The following PIEZO2 variants were observed in gnomAD, a reference collection of about 807,000 sequenced individuals.
PIEZO2 encodes piezo type mechanosensitive ion channel component 2, also known as piezo-type mechanosensitive ion channel component 2.
A neutral mutation model predicts 337.3 loss-of-function variants in PIEZO2; 172 were observed. That is an observed-to-expected ratio of 0.51 (90% CI 0.45 to 0.58). PIEZO2 has a LOEUF of 0.58. PIEZO2 is among the 20% of genes least tolerant of loss of function. PIEZO2 has a pLI of 0.00. For missense variants in PIEZO2, 3,028 were observed against 3,391.3 expected (o/e 0.89, Z 2.66); for synonymous variants, 1,251 against 1,228.5 (o/e 1.02, Z -0.38).
chr18:10,928,084 A>G (rs1246418113), intron 3 of PIEZO2, among the ~76,000 whole-genome samples: 2 of 152,200 alleles, frequency 1.3e-5, no homozygotes, highest in African/African-American at 2.4e-5. Context: ...TGCAGCTGTG[A>G]TCTCACAAGA....
intron 3 of PIEZO2, among the ~76,000 whole-genome samples, chr18:10,950,715 C>G (rs564549349): frequency 1.3e-5 from 2 of 152,260 alleles, no homozygotes; most frequent in African/African-American, 2.4e-5. Flanking sequence ...TTTCCCTTCC[C>G]CTTCCTCCTC....
intron 3 of PIEZO2, among the ~76,000 whole-genome samples, chr18:10,978,050 T>C (rs978910801): frequency 2.0e-5 from 3 of 152,060 alleles, no homozygotes; most frequent in Non-Finnish European, 4.4e-5. Context: ...TGGCCAGGTG[T>C]GGTGGCTCAC....
intron 1 of PIEZO2, among the ~76,000 whole-genome samples, chr18:11,139,324 T>C (rs2040576196): frequency 6.6e-6 from 1 of 152,148 alleles, no homozygotes; most frequent in South Asian, 2.1e-4. Flanking sequence ...ACATTTCACC[T>C]TGAACATCAG....
intron 7 of PIEZO2, among the ~76,000 whole-genome samples, chr18:10,811,996 GCTAA>G (rs1365063415): frequency 6.6e-6 from 1 of 152,168 alleles, no homozygotes; most frequent in Non-Finnish European, 1.5e-5. Context: ...ACCACGCCCG[GCTAA>G]CTTTTTGTAT....
intron 2 of PIEZO2, among the ~76,000 whole-genome samples, chr18:11,024,788 G>A (rs563038333): frequency 3.1e-4 from 47 of 151,608 alleles, no homozygotes; most frequent in Admixed American, 7.9e-4. Context: ...ATAGGCACCC[G>A]CCACCATACC....
chr18:11,132,583 C>A lies in PIEZO2; in HGVS notation c.64+15942G>T, dbSNP rs2040371918. On this transcript the variant is annotated intron_variant, in intron 1 of 55. Transcript: ENST00000674853. This position sits in a 1 kb window ranked among gnomAD's most constrained non-coding sequence, Gnocchi z 4.7. ...TAGAAGTGGCACCACTCACAATCAT[C>A]CCTAGTGATCCACTAGCAAAATTTT... Among the ~76,000 whole-genome samples the A allele has an allele frequency of 6.6e-6, 1 of 152,142 alleles. No homozygotes were observed. Among genetic ancestry groups the A allele is most frequent in the Admixed American group, 6.6e-5 (1 of 15,264 alleles).
At chr18:11,052,618 C>T (rs2037570630) in intron 2 of PIEZO2, among the ~76,000 whole-genome samples, 1 of 152,050 alleles carries the variant, frequency 6.6e-6, no homozygotes, top group African/African-American at 2.4e-5. Flanking sequence ...AAAGAGTTAC[C>T]ACTCAATAAG....
intron 13 of PIEZO2, among the ~76,000 whole-genome samples, chr18:10,792,412 A>C (rs1391104867): frequency 1.3e-5 from 2 of 152,232 alleles, no homozygotes; most frequent in Non-Finnish European, 2.9e-5. Context: ...CTGTGTAAGA[A>C]GCCCCACGAC....
intron 11 of PIEZO2, among the ~76,000 whole-genome samples, 151 bp from the exon 12 acceptor site, chr18:10,797,673 A>G (rs1226054115): frequency 6.6e-6 from 1 of 152,236 alleles, no homozygotes; most frequent in Non-Finnish European, 1.5e-5. Flanking sequence ...CTTAAAATTC[A>G]AACAGAATCA....
intron 4 of PIEZO2, among the ~76,000 whole-genome samples, chr18:10,886,499 C>CT: frequency 1.4e-5 from 1 of 69,510 alleles, no homozygotes; most frequent in Non-Finnish European, 2.5e-5. Flanking sequence ...TATATATATA[C>CT]GCATATACAC....
chr18:10,861,696 C>A lies in PIEZO2; in HGVS notation c.493-4485G>T, dbSNP rs1358824225. Among the ~76,000 whole-genome samples, 2 of 152,182 alleles carry A rather than the reference C, an allele frequency of 1.3e-5. No homozygotes were observed. The highest frequency in any genetic ancestry group is 1.3e-4 in the Admixed American group (2 of 15,278). ...TGATTTTGGGGGACCTATTGCACTG[C>A]ATGGTGACTGTAGTTTTTAATGTAT... On this transcript the variant is annotated intron_variant, in intron 5 of 55. Transcript: ENST00000674853. This position sits in a 1 kb window ranked among gnomAD's most constrained non-coding sequence, Gnocchi z 4.3.
chr18:11,112,798 G>A lies in PIEZO2; in HGVS notation c.64+35727C>T, dbSNP rs2039774701. ...GCTCCTTCTCTCCATCTGCAGTTAG[G>A]TCACCGACAAGAGGAAGAGGCGCTA... On this transcript the variant is annotated intron_variant, in intron 1 of 55. Coordinates refer to ENST00000674853, the MANE Select transcript of PIEZO2 (RefSeq NM_001378183.1). This position sits in a 1 kb window ranked among gnomAD's most constrained non-coding sequence, Gnocchi z 4.3. 6.6e-6 allele frequency among the ~76,000 whole-genome samples: 1 copy of A among 152,146 alleles called. No homozygotes were observed. Among genetic ancestry groups the A allele is most frequent in the African/African-American group, 2.4e-5 (1 of 41,420 alleles).
Position 10,795,506 on chromosome 18 carries a change from G to A in PIEZO2, c.1528-504C>T, listed in dbSNP as rs2039567559. On this transcript the variant is annotated intron_variant, in intron 12 of 55. Coordinates refer to ENST00000674853, the MANE Select transcript of PIEZO2 (RefSeq NM_001378183.1). This position sits in a 1 kb window ranked among gnomAD's most constrained non-coding sequence, Gnocchi z 4.4. ...GTGAGCTCAGAATGAGAGATTTGCT[G>A]CAGTTTAAAGTAGCAGTTGATGTAC... Among the ~76,000 whole-genome samples the A allele has an allele frequency of 6.6e-6, 1 of 152,058 alleles. No individual in the cohort carries two copies. The highest frequency in any genetic ancestry group is 2.4e-5 in the African/African-American group (1 of 41,412).
At chr18:10,756,096 G>A (rs1214825406) in intron 27 of PIEZO2, among the ~76,000 whole-genome samples, 1 of 150,256 alleles carries the variant, frequency 6.7e-6, no homozygotes, top group Non-Finnish European at 1.5e-5. Flanking sequence ...GGATGAAGAG[G>A]AGAGATAGGG....
intron 2 of PIEZO2, among the ~76,000 whole-genome samples, chr18:11,064,876 C>T (rs1216971732): frequency 6.6e-6 from 1 of 152,154 alleles, no homozygotes; most frequent in Admixed American, 6.6e-5. Context: ...ATAGTAGTTG[C>T]CTGTATGCTA....
At chr18:10,764,642 A>T (rs921881274) in intron 21 of PIEZO2, among the ~76,000 whole-genome samples, 1 of 152,158 alleles carries the variant, frequency 6.6e-6, no homozygotes, top group Non-Finnish European at 1.5e-5. Flanking sequence ...TGGAGACTAC[A>T]TGACTGTATT....
chr18:10,734,987 A>G (rs1245941708), intron 35 of PIEZO2, among the ~76,000 whole-genome samples: 3 of 152,198 alleles, frequency 2.0e-5, no homozygotes, highest in Non-Finnish European at 4.4e-5. Context: ...CTGTATCTGC[A>G]TTTTCTCTTT....
intron 3 of PIEZO2, among the ~76,000 whole-genome samples, chr18:10,937,835 T>G (rs2032490940): frequency 6.6e-6 from 1 of 152,188 alleles, no homozygotes; most frequent in Non-Finnish European, 1.5e-5. Flanking sequence ...TCTCATAGCC[T>G]TTGCCTGGAC....
At chr18:10,949,853 A>C (rs975430019) in intron 3 of PIEZO2, among the ~76,000 whole-genome samples, 1 of 152,176 alleles carries the variant, frequency 6.6e-6, no homozygotes, top group Non-Finnish European at 1.5e-5. Context: ...CTCCACAATG[A>C]CTGTCACTGA....
Sources: allele counts gnomAD v4.1 joint callset (sites outside exome capture counted in the v4.1 genomes callset), GRCh38; gene constraint gnomAD v4.1.1; non-coding constraint Gnocchi (gnomAD v3.1); transcripts MANE v1.5; gene names NCBI Gene and HGNC (gene_info 2026-07-23, HGNC 2026-07-21).